The following RAD51B variants were observed in gnomAD, a reference collection of about 807,000 sequenced individuals.
RAD51B encodes the protein RAD51 paralog B.
Under a neutral mutation model 42.2 loss-of-function variants are expected in RAD51B, and 38 were observed. That is an observed-to-expected ratio of 0.90 (90% CI 0.70 to 1.18). The LOEUF (loss-of-function observed/expected upper bound fraction) is 1.18. Among genes scored for constraint, RAD51B ranks in the 50% most tolerant of loss-of-function variants. The pLI, the probability that RAD51B is intolerant of heterozygous loss-of-function variation, is 0.00. For missense variants in RAD51B, 373 were observed against 400.7 expected, an observed-to-expected ratio of 0.93 and a Z score of 0.59; for synonymous variants, 154 against 145.2, an observed-to-expected ratio of 1.06 and a Z score of -0.43.
At chr14:67,997,056 A>G (rs2075397382) in intron 7 of RAD51B, among the ~76,000 whole-genome samples, 1 of 152,228 alleles carries the variant, frequency 6.6e-6, no homozygotes, top group South Asian at 2.1e-4. Flanking sequence ...TGGGTAGAAC[A>G]GGTTTAGAGG....
chr14:68,346,037 G>A (rs2082670637), intron 8 of RAD51B, among the ~76,000 whole-genome samples: 1 of 152,174 alleles, frequency 6.6e-6, no homozygotes, highest in African/African-American at 2.4e-5. Context: ...TAATTTAATA[G>A]TTCCCTCAAA....
chr14:68,000,007 A>G (rs916841160), intron 7 of RAD51B, among the ~76,000 whole-genome samples: 1 of 152,140 alleles, frequency 6.6e-6, no homozygotes, highest in Non-Finnish European at 1.5e-5. Context: ...AAAACAAACA[A>G]ACAAACAAAA....
chr14:67,842,909 T>C (rs1318349870), intron 4 of RAD51B, among the ~76,000 whole-genome samples: 1 of 152,206 alleles, frequency 6.6e-6, no homozygotes, highest in Admixed American at 6.5e-5. Flanking sequence ...GACAGCTTTT[T>C]CTGTGTCTAT....
intron 7 of RAD51B, among the ~76,000 whole-genome samples, chr14:68,029,456 A>G (rs1484165948): frequency 1.3e-5 from 2 of 152,226 alleles, no homozygotes; most frequent in Non-Finnish European, 2.9e-5. Flanking sequence ...AGTGTTATCC[A>G]TAAGATAGAT....
chr14:68,152,150 A>G (rs1180238434), intron 7 of RAD51B, among the ~76,000 whole-genome samples: 1 of 151,930 alleles, frequency 6.6e-6, no homozygotes, highest in Non-Finnish European at 1.5e-5. Context: ...AGCCATAAAG[A>G]CTATTTTAAT....
intron 10 of RAD51B, among the ~76,000 whole-genome samples, chr14:68,514,090 G>A (rs762107712): frequency 6.6e-4 from 100 of 152,282 alleles, no homozygotes; most frequent in Non-Finnish European, 1.3e-3. Flanking sequence ...CTCCATCCTC[G>A]CTCTGCTACT....
In RAD51B at chr14:68,051,396, T is replaced by C. The variant is rs1005175488; in HGVS notation, c.756+164192T>C. On this transcript the variant is annotated intron_variant, in intron 7 of 10. Coordinates refer to ENST00000471583, the MANE Select transcript of RAD51B (RefSeq NM_133510.4). ...TACTTTTGAAATTTAGGTTGTTTGT[T>C]TGTTTTCAACATATATATTTTTGCT... 5.3e-5 allele frequency among the ~76,000 whole-genome samples: 8 copies of C among 152,156 alleles called. No individual in the cohort carries two copies. In the South Asian group the frequency reaches 8.3e-4, roughly 16 times the overall value.
chr14:68,331,968 G>A (rs1036704657), intron 8 of RAD51B, among the ~76,000 whole-genome samples: 2 of 152,204 alleles, frequency 1.3e-5, no homozygotes, highest in East Asian at 3.9e-4. Flanking sequence ...TTTTCCAATT[G>A]AATTATGGAA....
intron 4 of RAD51B, among the ~76,000 whole-genome samples, chr14:67,855,062 C>T (rs1000858443): frequency 6.6e-6 from 1 of 152,064 alleles, no homozygotes; most frequent in African/African-American, 2.4e-5. Context: ...TTATGCCTGG[C>T]AAAGTTTTTG....
chr14:67,879,597 T>C (rs893310355), intron 5 of RAD51B, among the ~76,000 whole-genome samples: 1 of 152,136 alleles, frequency 6.6e-6, no homozygotes, highest in Non-Finnish European at 1.5e-5. Context: ...TGTGAGCCAC[T>C]GCACCTGGAC....
chr14:68,530,286 A>T (rs1388091529), intron 10 of RAD51B, among the ~76,000 whole-genome samples: 1 of 143,612 alleles, frequency 7.0e-6, no homozygotes, highest in Non-Finnish European at 1.6e-5. Flanking sequence ...TCTACAAAAA[A>T]TTTAAAAAAA....
intron 3 of RAD51B, among the ~76,000 whole-genome samples, chr14:67,830,709 G>A (rs2041006429): frequency 6.6e-6 from 1 of 151,852 alleles, no homozygotes; most frequent in Non-Finnish European, 1.5e-5. Context: ...CTAGGAGAGA[G>A]AATTAATGGG....
chr14:68,549,157 C>G (rs192337519), intron 10 of RAD51B, among the ~76,000 whole-genome samples: 1 of 152,194 alleles, frequency 6.6e-6, no homozygotes, highest in African/African-American at 2.4e-5. Flanking sequence ...TCTGTCTTAT[C>G]TCCTCAGGAC....
At chr14:68,159,617 CTCAAA>C (rs1433585856) in intron 7 of RAD51B, among the ~76,000 whole-genome samples, 4 of 139,796 alleles carry the variant, frequency 2.9e-5, no homozygotes, top group South Asian at 2.3e-4. Flanking sequence ...AAAACTCCAT[CTCAAA>C]AAAAAAAAAA....
chr14:68,377,279 G>A (rs1335836885), intron 8 of RAD51B, among the ~76,000 whole-genome samples: 1 of 152,112 alleles, frequency 6.6e-6, no homozygotes, highest in Non-Finnish European at 1.5e-5. Context: ...TGAGCGAAGG[G>A]GTTTGTTGTA....
intron 7 of RAD51B, among the ~76,000 whole-genome samples, chr14:68,072,598 C>T (rs2076771187): frequency 6.6e-6 from 1 of 152,200 alleles, no homozygotes; most frequent in Non-Finnish European, 1.5e-5. Flanking sequence ...ACAACACCCT[C>T]ACAGACACAT....
At chr14:68,678,437 G>C (rs780774095) in intron 11 of RAD51B, among the ~76,000 whole-genome samples, 1 of 152,238 alleles carries the variant, frequency 6.6e-6, no homozygotes, top group Non-Finnish European at 1.5e-5. Context: ...AGAGCTTTCT[G>C]TGTCTCTAGC....
chr14:68,158,995 G>A (rs902108451), intron 7 of RAD51B, among the ~76,000 whole-genome samples: 1 of 152,030 alleles, frequency 6.6e-6, no homozygotes, highest in Admixed American at 6.5e-5. Flanking sequence ...CAAAGATTTG[G>A]TTATTTTTTT....
intron 10 of RAD51B, among the ~76,000 whole-genome samples, chr14:68,549,870 C>T: frequency 6.6e-6 from 1 of 152,208 alleles, no homozygotes; most frequent in East Asian, 1.9e-4. Flanking sequence ...AACTTGCCAT[C>T]TACAAGGCAG....
Sources: gnomAD v4.1 joint callset for allele counts (sites outside exome capture counted in the v4.1 genomes callset) on GRCh38, gnomAD v4.1.1 for gene constraint, MANE v1.5 for transcripts, NCBI Gene and HGNC (gene_info 2026-07-23, HGNC 2026-07-21) for gene names.